The following EP300 variants were observed in gnomAD, a reference collection of about 807,000 sequenced individuals.
EP300 encodes the protein EP300 lysine acetyltransferase.
In EP300, 31 loss-of-function variants were observed where a neutral mutation model predicts 264.0. That is an observed-to-expected ratio of 0.12 (90% CI 0.09 to 0.16). The LOEUF is 0.16. EP300 is among the 10% of genes least tolerant of loss of function. The pLI is 1.00. For synonymous variants in EP300, 1,340 were observed against 1,045.4 expected (o/e 1.28, Z -5.44); for missense variants, 2,766 against 3,052.9 (o/e 0.91, Z 2.21).
Position 41,179,922 on chromosome 22 carries a change from ACT to A in EP300, c.*967_*968del. 3 of 175,590 alleles carry A rather than the reference ACT, an allele frequency of 1.7e-5. No homozygotes were observed. Among genetic ancestry groups the A allele is most frequent in the East Asian group, 8.3e-5 (1 of 12,012 alleles). The allele number at this position is 175,590 out of a possible 1,614,324, so 10.9% of individuals were successfully genotyped here. A position where few individuals can be genotyped will look rare whatever the true frequency, so the allele number is the denominator to read the frequency against. On this transcript the variant is annotated 3_prime_UTR_variant, in exon 31 of 31. Transcript: ENST00000263253. ...CACACACACACACACACACACACAC[ACT>A]TTCTATAAAACTTGAAAATAGCAAA...
rs74973464 is a variant in EP300, at chr22:41,152,515, C to CT, written c.3142+179dup. ...TCATTGTTACTAATAATTTTTCTTT[C>CT]TTTTTTTTTTTTTTAATATTCACTT... On this transcript the variant is annotated intron_variant, in intron 16 of 30. Coordinates refer to ENST00000263253, the MANE Select transcript of EP300 (RefSeq NM_001429.4). Among the ~76,000 whole-genome samples, 798 of 141,652 alleles carry CT rather than the reference C, an allele frequency of 5.6e-3. 2 individuals are homozygous for CT. The highest frequency in any genetic ancestry group is 8.0e-3 in the Non-Finnish European group (514 of 64,404). The allele number at this position is 141,652 out of a possible 152,430, so 92.9% of individuals were successfully genotyped here. A position where few individuals can be genotyped will look rare whatever the true frequency, so the allele number is the denominator to read the frequency against.
intron 1 of EP300, among the ~76,000 whole-genome samples, chr22:41,102,124 G>A (rs1040147035): frequency 7.4e-5 from 11 of 149,200 alleles, no homozygotes; most frequent in South Asian, 2.1e-4. Context: ...GAATACTGGC[G>A]TAGAAGAGTT....
rs538382800 is a variant in EP300, at chr22:41,098,065, T to C, written c.94+4967T>C. On this transcript the variant is annotated intron_variant, in intron 1 of 30. Coordinates refer to ENST00000263253, the MANE Select transcript of EP300 (RefSeq NM_001429.4). The stretch of plus-strand genomic sequence containing the variant: ...GCACAACGTGCAGGTTTGTCACATA[T>C]GTATACATGTGCCATGTTGGTGTGC... 2.6e-5 allele frequency among the ~76,000 whole-genome samples: 4 copies of C among 152,242 alleles called. No individual in the cohort carries two copies. In the South Asian group the frequency reaches 6.2e-4, roughly 24 times the overall value.
intron 20 of EP300, 45 bp downstream of exon 20, chr22:41,160,767 C>A (rs753202579): frequency 6.0e-5 from 92 of 1,544,378 alleles, no homozygotes; most frequent in Middle Eastern, 1.7e-4. Flanking sequence ...AGTTTGTTGT[C>A]CAGTGATTAT....
chr22:41,133,893 G>A (rs1285460247), intron 6 of EP300, among the ~76,000 whole-genome samples: 1 of 152,106 alleles, frequency 6.6e-6, no homozygotes, highest in Non-Finnish European at 1.5e-5. Flanking sequence ...GTCAGAAACT[G>A]AAAGTTATGA....
chr22:41,158,170 C>T (rs2059088066), intron 18 of EP300, among the ~76,000 whole-genome samples: 1 of 152,216 alleles, frequency 6.6e-6, no homozygotes, highest in African/African-American at 2.4e-5. Context: ...CCACCCTGCC[C>T]AGCTATTCCT....
chr22:41,148,055 C>T, intron 12 of EP300, 109 bp downstream of exon 12: 1 of 794,788 alleles, frequency 1.3e-6, no homozygotes, highest in Non-Finnish European at 2.0e-6. Context: ...ACCATAACTC[C>T]TAGTTCTTCT....
intron 1 of EP300, among the ~76,000 whole-genome samples, chr22:41,110,128 C>T (rs915332867): frequency 6.2e-4 from 67 of 108,544 alleles, no homozygotes; most frequent in African/African-American, 6.8e-4. Flanking sequence ...CCCCCCCCCC[C>T]TTTTTTTTTA....
rs1451743999 is a variant in EP300, at chr22:41,093,106, TC to T, written c.94+9del. 1.2e-6 allele frequency: 2 copies of T among 1,613,772 alleles called. No individual in the cohort carries two copies. The highest frequency in any genetic ancestry group is 8.5e-7 in the Non-Finnish European group (1 of 1,179,922). On this transcript the variant is annotated intron_variant, in intron 1 of 30. Transcript: ENST00000263253. ...CCGCCAGCGATGGCACAGGTTAGTTTCGGCAGCCCCGGCCTTCCACGTTCCC... is the reference window on the plus strand; with the variant it reads ...CCGCCAGCGATGGCACAGGTTAGTTTGGCAGCCCCGGCCTTCCACGTTCCC...
chr22:41,094,676 G>C (rs766314), intron 1 of EP300, among the ~76,000 whole-genome samples: 99,249 of 152,070 alleles, frequency 0.65, 32,785 homozygotes, highest in East Asian at 0.83. Context: ...CATCTTTAGA[G>C]ACTTAATCAC....
intron 19 of EP300, chr22:41,160,386 A>T (rs1303771353): frequency 1.6e-5 from 7 of 428,642 alleles, no homozygotes; most frequent in African/African-American, 4.3e-5. Flanking sequence ...TTTCTCCCTC[A>T]TGCTTGTCGT....
At chr22:41,163,252 G>A (rs1009847696) in intron 21 of EP300, among the ~76,000 whole-genome samples, 4 of 150,370 alleles carry the variant, frequency 2.7e-5, no homozygotes, top group East Asian at 2.0e-4. Context: ...CGGCTAAAAC[G>A]GTGAAACCCC....
chr22:41,146,686 G>A, intron 10 of EP300, 53 bp from the exon 11 acceptor site: 1 of 1,542,832 alleles, frequency 6.5e-7, no homozygotes, highest in Non-Finnish European at 9.0e-7. Flanking sequence ...GTGAGTTTTT[G>A]TTTGGTTAAG....
chr22:41,173,465 A>G (rs1708055308), intron 28 of EP300, among the ~76,000 whole-genome samples, 158 bp from the exon 29 acceptor site: 1 of 152,224 alleles, frequency 6.6e-6, no homozygotes, highest in Non-Finnish European at 1.5e-5. Context: ...TCAAATAACA[A>G]CTTTAAGGAG....
intron 1 of EP300, among the ~76,000 whole-genome samples, chr22:41,097,498 TG>T (rs903179002): frequency 1.8e-4 from 27 of 152,310 alleles, no homozygotes; most frequent in East Asian, 7.7e-4. Context: ...AAGTGGTATT[TG>T]TAGGGACATT....
At chr22:41,131,031 TAAG>T (rs1384830746) in intron 5 of EP300, among the ~76,000 whole-genome samples, 1 of 152,160 alleles carries the variant, frequency 6.6e-6, no homozygotes, top group African/African-American at 2.4e-5. Context: ...AATTCACTAT[TAAG>T]AAGAGAAATA....
chr22:41,119,187 T>TTA (rs2058838859), intron 2 of EP300, among the ~76,000 whole-genome samples: 1 of 87,454 alleles, frequency 1.1e-5, no homozygotes, highest in Non-Finnish European at 2.4e-5. Context: ...TTTTTTTTTT[T>TTA]TTTTTTTTTT....
intron 20 of EP300, 27 bp from the exon 21 acceptor site, chr22:41,162,696 C>A: frequency 6.3e-7 from 1 of 1,582,700 alleles, no homozygotes; most frequent in Non-Finnish European, 8.7e-7. Flanking sequence ...ATCACTTTTT[C>A]TCATTGTGTC....
chr22:41,171,929 T>G (rs1252764410), intron 27 of EP300, among the ~76,000 whole-genome samples: 1 of 152,206 alleles, frequency 6.6e-6, no homozygotes, highest in East Asian at 1.9e-4. Flanking sequence ...ATATTCTTAA[T>G]TAACAGTATT....
Sources: gnomAD v4.1 joint callset for allele counts (sites outside exome capture counted in the v4.1 genomes callset) on GRCh38, gnomAD v4.1.1 for gene constraint, MANE v1.5 for transcripts, NCBI Gene and HGNC (gene_info 2026-07-23, HGNC 2026-07-21) for gene names.